Variants in CELF2 observed in about 807,000 individuals in gnomAD.
CELF2 encodes the protein CUGBP Elav-like family member 2.
CELF2 carries 8 observed loss-of-function variants against 62.6 expected under a neutral mutation model. The ratio of observed to expected loss-of-function variants is 0.13; its 90% confidence interval spans 0.07 to 0.23. The LOEUF is 0.23. Ranked by LOEUF, CELF2 falls within the 10% of genes least tolerant of loss-of-function variation. The pLI is 1.00. For synonymous variants in CELF2, 258 were observed against 250.0 expected, an observed-to-expected ratio of 1.03 and a Z score of -0.30; for missense variants, 333 against 671.0, an observed-to-expected ratio of 0.50 and a Z score of 5.56.
chr10:10,964,239 A>C (rs1210992458), intron 2 of CELF2, among the ~76,000 whole-genome samples: 2 of 152,120 alleles, frequency 1.3e-5, no homozygotes, highest in African/African-American at 2.4e-5. Context: ...CCCCTTTTGC[A>C]CCCTCAGCAT....
chr10:10,559,812 T>C, the CELF2 span, among the ~76,000 whole-genome samples: 1 of 152,202 alleles, frequency 6.6e-6, no homozygotes, highest in African/African-American at 2.4e-5. Flanking sequence ...CACCGCCTGC[T>C]GCATTCTCCC....
the CELF2 span, among the ~76,000 whole-genome samples, chr10:10,641,515 A>C: frequency 6.6e-6 from 1 of 152,014 alleles, no homozygotes; most frequent in African/African-American, 2.4e-5. Context: ...GTCTCTGCTC[A>C]CTGCAATTTC....
intron 3 of CELF2, among the ~76,000 whole-genome samples, chr10:11,228,347 G>A (rs1448526486): frequency 1.3e-5 from 2 of 152,226 alleles, no homozygotes; most frequent in Admixed American, 6.5e-5. Flanking sequence ...AACAAATAAG[G>A]TAGTAATTTG....
At chr10:10,754,667 G>A in the CELF2 span, among the ~76,000 whole-genome samples, 13 of 152,162 alleles carry the variant, frequency 8.5e-5, no homozygotes, top group Admixed American at 8.5e-4. Context: ...TTAGGTTTCA[G>A]CCATTTTGCC....
chr10:10,503,938 A>G, the CELF2 span, among the ~76,000 whole-genome samples: 1 of 152,024 alleles, frequency 6.6e-6, no homozygotes, highest in Non-Finnish European at 1.5e-5. Context: ...TACATGATAT[A>G]TTAAAAGCTT....
At chr10:10,946,019 A>C (rs1239724338) in intron 2 of CELF2, 4 of 152,696 alleles carry the variant, frequency 2.6e-5, no homozygotes, top group African/African-American at 9.6e-5. Flanking sequence ...TTGGGGAGGA[A>C]TTCACCTTTT....
chr10:11,066,336 G>T (rs939789353), intron 1 of CELF2, among the ~76,000 whole-genome samples: 2 of 151,624 alleles, frequency 1.3e-5, no homozygotes, highest in Admixed American at 6.6e-5. Context: ...GCTATGGTGG[G>T]TGTGCTGCCA....
chr10:10,775,960 C>T, the CELF2 span, among the ~76,000 whole-genome samples: 876 of 152,350 alleles, frequency 5.7e-3, 21 homozygotes, highest in Middle Eastern at 6.8e-3. Flanking sequence ...CACTGTGCTG[C>T]CTTGTCACTT....
At chr10:11,155,614 T>C (rs2064195556) in intron 1 of CELF2, among the ~76,000 whole-genome samples, 1 of 152,184 alleles carries the variant, frequency 6.6e-6, no homozygotes, top group African/African-American at 2.4e-5. Flanking sequence ...AATATTGGAG[T>C]TTGAAGGCAT....
At chr10:10,851,870 T>C (rs890054062) in intron 1 of CELF2, among the ~76,000 whole-genome samples, 1 of 152,110 alleles carries the variant, frequency 6.6e-6, no homozygotes, top group Admixed American at 6.6e-5. Flanking sequence ...GCATAAGTCA[T>C]TACAGAAATG....
chr10:11,168,227 T>C (rs2067801290), intron 2 of CELF2, among the ~76,000 whole-genome samples: 1 of 152,202 alleles, frequency 6.6e-6, no homozygotes, highest in Non-Finnish European at 1.5e-5. Flanking sequence ...CATTCAAATC[T>C]TACCTTTGGA....
At chr10:10,728,591 A>C in the CELF2 span, among the ~76,000 whole-genome samples, 4 of 152,080 alleles carry the variant, frequency 2.6e-5, no homozygotes, top group East Asian at 7.7e-4. Flanking sequence ...TGCAGAGCTG[A>C]TGATTATGGT....
At chr10:10,629,861 CAAAAAAAAAAAAAAAGA>C in the CELF2 span, among the ~76,000 whole-genome samples, 2 of 12,342 alleles carry the variant, frequency 1.6e-4, no homozygotes, top group Admixed American at 1.3e-3. Context: ...GGCTGAAGAC[CAAAAAAAAAAAAAAAGA>C]AAAAAAAAAA....
At chr10:10,849,594 GGT>G (rs1248441155) in intron 1 of CELF2, among the ~76,000 whole-genome samples, 1 of 152,090 alleles carries the variant, frequency 6.6e-6, no homozygotes, top group Non-Finnish European at 1.5e-5. Context: ...TAAGTTCTTA[GGT>G]GTGTGTTTCC....
chr10:10,900,989 A>T (rs1347658537), intron 1 of CELF2, among the ~76,000 whole-genome samples: 1 of 152,226 alleles, frequency 6.6e-6, no homozygotes, highest in Admixed American at 6.5e-5. Context: ...AAGAGGTGAA[A>T]ATCTGTACAC....
the CELF2 span, among the ~76,000 whole-genome samples, chr10:10,649,473 A>G: frequency 6.6e-6 from 1 of 152,326 alleles, no homozygotes; most frequent in East Asian, 1.9e-4. Context: ...AATGGGTTGG[A>G]TCATTCCCAA....
intron 1 of CELF2, among the ~76,000 whole-genome samples, chr10:11,074,534 G>GT (rs2141111621): frequency 6.6e-6 from 1 of 152,290 alleles, no homozygotes; most frequent in East Asian, 1.9e-4. Context: ...CCTGATTGCC[G>GT]TTTTTTGGTT....
chr10:10,816,649 C>T (rs575524196), intron 1 of CELF2, among the ~76,000 whole-genome samples: 8 of 152,316 alleles, frequency 5.3e-5, no homozygotes, highest in Non-Finnish European at 1.0e-4. Flanking sequence ...CTTAAAAATG[C>T]AATCCATTCT....
intron 2 of CELF2, among the ~76,000 whole-genome samples, chr10:10,994,560 G>A (rs1340671266): frequency 6.6e-6 from 1 of 152,174 alleles, no homozygotes; most frequent in African/African-American, 2.4e-5. Flanking sequence ...ATTACTGCTT[G>A]AGCTCTGCCT....
Sources: allele counts gnomAD v4.1 joint callset (sites outside exome capture counted in the v4.1 genomes callset), GRCh38; gene constraint gnomAD v4.1.1; transcripts MANE v1.5; gene names NCBI Gene and HGNC (gene_info 2026-07-23, HGNC 2026-07-21).